Variants in NEO1 observed in about 807,000 individuals in gnomAD.
NEO1 encodes the protein neogenin 1, also known as neogenin.
NEO1 carries 63 observed loss-of-function variants against 159.7 expected under a neutral mutation model. That is an observed-to-expected ratio of 0.39 (90% CI 0.32 to 0.49). NEO1 has a LOEUF of 0.49. Ranked by LOEUF, NEO1 falls within the 20% of genes least tolerant of loss-of-function variation. NEO1 has a pLI of 0.85. For synonymous variants in NEO1, 633 were observed against 662.0 expected, an observed-to-expected ratio of 0.96 and a Z score of 0.67; for missense variants, 1,615 against 1,831.0, an observed-to-expected ratio of 0.88 and a Z score of 2.15.
intron 22 of NEO1, among the ~76,000 whole-genome samples, chr15:73,279,873 C>G (rs960039475): frequency 5.3e-5 from 8 of 152,198 alleles, no homozygotes; most frequent in South Asian, 4.1e-4. Context: ...AATAAAACAG[C>G]CTGCTCTCTC....
intron 8 of NEO1, among the ~76,000 whole-genome samples, chr15:73,237,447 A>G (rs1291366794): frequency 6.6e-6 from 1 of 152,208 alleles, no homozygotes; most frequent in Non-Finnish European, 1.5e-5. Context: ...CCGAGTAGTA[A>G]ATTCCTTCAC....
intron 1 of NEO1, among the ~76,000 whole-genome samples, chr15:73,111,953 G>A (rs1246112222): frequency 1.3e-5 from 2 of 151,930 alleles, no homozygotes; most frequent in Admixed American, 6.6e-5. Context: ...ATTTATAAGT[G>A]GATTATACAT....
intron 18 of NEO1, among the ~76,000 whole-genome samples, chr15:73,271,762 C>T (rs2041179785): frequency 6.6e-6 from 1 of 151,982 alleles, no homozygotes. Context: ...CAAAAATTAG[C>T]TGGATGTGGT....
At chr15:73,129,842 G>C (rs1429728836) in intron 4 of NEO1, among the ~76,000 whole-genome samples, 1 of 152,128 alleles carries the variant, frequency 6.6e-6, no homozygotes, top group Non-Finnish European at 1.5e-5. Context: ...AAATTGAGTA[G>C]ATATATTTTT....
chr15:73,117,992 A>G (rs1320759764), intron 2 of NEO1, among the ~76,000 whole-genome samples: 1 of 151,210 alleles, frequency 6.6e-6, no homozygotes. Context: ...TTTCTCCAAC[A>G]TGTTTCATAA....
In NEO1 at chr15:73,093,576, T is replaced by C. The variant is rs144648089; in HGVS notation, c.131-22964T>C. Among the ~76,000 whole-genome samples the C allele has an allele frequency of 5.3e-5, 8 of 152,138 alleles. 1 individual carries two copies. The highest frequency in any genetic ancestry group is 1.9e-4 in the African/African-American group (8 of 41,506). ...GCTTTGACCATGGGAAGTTCCTTTT[T>C]TTTTTTTTCTTTTTGGATACAAGGT... On this transcript the variant is annotated intron_variant, in intron 1 of 28. Transcript: ENST00000261908.
At chr15:73,244,814 G>A (rs1249229185) in intron 9 of NEO1, among the ~76,000 whole-genome samples, 7 of 151,484 alleles carry the variant, frequency 4.6e-5, no homozygotes, top group African/African-American at 1.7e-4. Context: ...AGCCGGGTAT[G>A]GTAGTGGGTG....
Position 73,298,609 on chromosome 15 carries a change from A to G in NEO1, c.4163A>G (p.Gln1388Arg). ...ALPSTPLLSQ[Q>R]ALNHHIHSVK... is the part of the protein sequence containing the mutation. Reference sequence around the variant, plus strand: ...CCAAGCACACCATTACTGTCCCAGCAAGGTGAGTGAGGATGGCAGCACACC... The same window carrying G: ...CCAAGCACACCATTACTGTCCCAGCGAGGTGAGTGAGGATGGCAGCACACC... Residue 1388 changes from glutamine (Q) to arginine (R), a missense_variant and splice_region_variant, in exon 27 of 29, where the codon CAA becomes CGA. Gln to Arg is a conservative substitution (Grantham distance 43). Transcript: ENST00000261908. 1 of 1,614,118 alleles carries G rather than the reference A, an allele frequency of 6.2e-7. No individual in the cohort carries two copies. The highest frequency in any genetic ancestry group is 8.5e-7 in the Non-Finnish European group (1 of 1,179,972).
At chr15:73,238,005 C>G (rs2039275331) in intron 8 of NEO1, among the ~76,000 whole-genome samples, 1 of 152,112 alleles carries the variant, frequency 6.6e-6, no homozygotes, top group Non-Finnish European at 1.5e-5. Context: ...GAATACCAAC[C>G]CAAACTTAGC....
At chr15:73,148,205 G>A (rs1450294650) in intron 5 of NEO1, among the ~76,000 whole-genome samples, 1 of 152,048 alleles carries the variant, frequency 6.6e-6, no homozygotes, top group Non-Finnish European at 1.5e-5. Flanking sequence ...ACAAGCTTTG[G>A]TTAAGAGAAC....
At chr15:73,262,639 A>G (rs79559854) in intron 15 of NEO1, among the ~76,000 whole-genome samples, 2,066 of 152,350 alleles carry the variant, frequency 0.014, 19 homozygotes, top group South Asian at 0.017. Flanking sequence ...TGGAATGCTC[A>G]TACTAGCTGG....
At chr15:73,212,120 C>T (rs1271123943) in intron 7 of NEO1, among the ~76,000 whole-genome samples, 1 of 152,142 alleles carries the variant, frequency 6.6e-6, no homozygotes, top group African/African-American at 2.4e-5. Context: ...GTGGTTTTTG[C>T]CAGTCTTCTT....
chr15:73,074,704 G>A (rs1327505216), intron 1 of NEO1, among the ~76,000 whole-genome samples: 1 of 152,096 alleles, frequency 6.6e-6, no homozygotes, highest in Non-Finnish European at 1.5e-5. Flanking sequence ...TTCTCTGTGT[G>A]CCCACTTTTC....
intron 19 of NEO1, among the ~76,000 whole-genome samples, chr15:73,273,399 T>C (rs922659081): frequency 3.3e-5 from 5 of 152,246 alleles, no homozygotes; most frequent in Non-Finnish European, 7.3e-5. Flanking sequence ...GTTTTGACTT[T>C]GCCTCTTTTG....
At chr15:73,171,066 G>T (rs1197695910) in intron 5 of NEO1, among the ~76,000 whole-genome samples, 3 of 151,642 alleles carry the variant, frequency 2.0e-5, no homozygotes, top group Non-Finnish European at 2.9e-5. Context: ...CTTTCAGAAA[G>T]AACATGTTAA....
intron 7 of NEO1, among the ~76,000 whole-genome samples, chr15:73,219,954 G>C (rs1349958841): frequency 6.6e-6 from 1 of 151,902 alleles, no homozygotes; most frequent in African/African-American, 2.4e-5. Flanking sequence ...GTGTGAATTT[G>C]ATCCTGTCAG....
At chr15:73,088,234 G>A (rs2069474353) in intron 1 of NEO1, among the ~76,000 whole-genome samples, 1 of 151,784 alleles carries the variant, frequency 6.6e-6, no homozygotes, top group Admixed American at 6.6e-5. Context: ...CAAGATTAAG[G>A]GAAAGACTAA....
intron 5 of NEO1, among the ~76,000 whole-genome samples, chr15:73,175,035 T>C (rs2035204132): frequency 6.6e-6 from 1 of 152,178 alleles, no homozygotes; most frequent in African/African-American, 2.4e-5. Context: ...ACCTAAGTTA[T>C]GTAGCTAGTT....
intron 13 of NEO1, among the ~76,000 whole-genome samples, chr15:73,257,132 C>CGAAAAA (rs2040396672): frequency 1.8e-5 from 1 of 54,768 alleles, no homozygotes; most frequent in Non-Finnish European, 3.4e-5. Flanking sequence ...ACTCTGTCTC[C>CGAAAAA]AAAAAAAAAA....
Sources: gnomAD v4.1 joint callset for allele counts (sites outside exome capture counted in the v4.1 genomes callset) on GRCh38, gnomAD v4.1.1 for gene constraint, MANE v1.5 for transcripts, NCBI Gene and HGNC (gene_info 2026-07-23, HGNC 2026-07-21) for gene names.